SLC4A11: variants seen among roughly 807,000 people sequenced by gnomAD.
SLC4A11 encodes bicarbonate transporter related protein 1.
A neutral mutation model predicts 95.0 loss-of-function variants in SLC4A11; 74 were observed. The observed-to-expected ratio is 0.78, with a 90% confidence interval of 0.65 to 0.95. The LOEUF is 0.95. Among genes scored for constraint, SLC4A11 ranks in the 40% least tolerant of loss-of-function variants. SLC4A11 has a pLI of 0.00. For missense variants in SLC4A11, 1,081 were observed against 1,192.4 expected (o/e 0.91, Z 1.38); for synonymous variants, 548 against 519.0 (o/e 1.06, Z -0.76).
chr20:3,228,711 C>T lies in SLC4A11; in HGVS notation c.2193-4G>A, dbSNP rs10048856. The T allele has an allele frequency of 0.024, 37,913 of 1,612,410 alleles. 2,771 individuals carry two copies. In the East Asian group the frequency reaches 0.24, roughly 10 times the overall value. On this transcript the variant is annotated splice_polypyrimidine_tract_variant and splice_region_variant and intron_variant, in intron 17 of 19. Transcript: ENST00000642402. ...CGTCTCCTTCACGTTCACAATCCTG[C>T]GGTGGCCCGAGCCGCGAGTGTCACC...
Position 3,234,403 on chromosome 20 carries a change from T to TACAGCCC in SLC4A11, c.292-90_292-89insGGGCTGT. 7.5e-7 allele frequency: 1 copy of TACAGCCC among 1,338,894 alleles called. No homozygotes were observed. The highest frequency in any genetic ancestry group is 1.1e-6 in the Non-Finnish European group (1 of 944,842). 82.9% of individuals were successfully genotyped at this position (1,338,894 alleles called of 1,614,324 possible). ...CCTCCCTCCCAGCCAGCCGCAGCAGTCCAGCCCCCAGCCCCCAGCCCCCAG... is the reference window on the plus strand; with the variant it reads ...CCTCCCTCCCAGCCAGCCGCAGCAGTACAGCCCCCAGCCCCCAGCCCCCAGCCCCCAG... On this transcript the variant is annotated intron_variant, in intron 4 of 19. Coordinates refer to ENST00000642402, the MANE Select transcript of SLC4A11 (RefSeq NM_001174089.2). This position sits in a 1 kb window ranked among gnomAD's most constrained non-coding sequence, Gnocchi z 5.8.
chr20:3,230,415 A>C (rs2067717210), intron 12 of SLC4A11, 100 bp downstream of exon 12: 2 of 1,589,568 alleles, frequency 1.3e-6, no homozygotes, highest in Non-Finnish European at 1.7e-6. Flanking sequence ...CCCTTGGGGC[A>C]GCAATATGGT....
At position 3,231,711 on chromosome 20, in the gene SLC4A11, G is replaced by A. The variant is rs2067788062; in HGVS notation, c.730-163C>T. On this transcript the variant is annotated intron_variant, in intron 7 of 19. Transcript: ENST00000642402. The surrounding 1 kb of genome is among the most constrained non-coding windows in gnomAD (Gnocchi z 5.2). Reference sequence around the variant, plus strand: ...CACTGTCACCCAGGCTGAGTGCAGTGGCACACTCACGGCTTATCGTAGCCT... The same window carrying A: ...CACTGTCACCCAGGCTGAGTGCAGTAGCACACTCACGGCTTATCGTAGCCT... Among the ~76,000 whole-genome samples, 1 of 152,126 alleles carries A rather than the reference G, an allele frequency of 6.6e-6. No individual in the cohort carries two copies. Among genetic ancestry groups the A allele is most frequent in the East Asian group, 1.9e-4 (1 of 5,186 alleles).
chr20:3,232,201 C>CT (rs756554919), intron 7 of SLC4A11, among the ~76,000 whole-genome samples: 9 of 152,258 alleles, frequency 5.9e-5, no homozygotes, highest in Non-Finnish European at 1.3e-4. Context: ...TTTGCACTGT[C>CT]TGCTGGTTTG....
Position 3,234,029 on chromosome 20 carries a change from G to A in SLC4A11, c.524-27C>T. ...TGAGGAAAGAGTGAGGGGGAGGGTGGTGGGTCAACAGCCCCTCCCAACGCC... is the reference window on the plus strand; with the variant it reads ...TGAGGAAAGAGTGAGGGGGAGGGTGATGGGTCAACAGCCCCTCCCAACGCC... On this transcript the variant is annotated intron_variant, in intron 5 of 19. Transcript: ENST00000642402. This position sits in a 1 kb window ranked among gnomAD's most constrained non-coding sequence, Gnocchi z 5.8. 2 of 1,613,328 alleles carry A rather than the reference G, an allele frequency of 1.2e-6. No individual in the cohort carries two copies. Among genetic ancestry groups the A allele is most frequent in the Non-Finnish European group, 8.5e-7 (1 of 1,179,602 alleles).
rs892463490 is a variant in SLC4A11 at position 3,238,979 on chromosome 20, C to A, written c.43+116G>T. 1.1e-5 allele frequency: 14 copies of A among 1,317,838 alleles called. No homozygotes were observed. The Admixed American group carries it at 3.8e-4, about 36-fold the overall frequency. 81.6% of individuals were successfully genotyped at this position (1,317,838 alleles called of 1,614,324 possible). On this transcript the variant is annotated intron_variant, in intron 1 of 19. Coordinates refer to ENST00000642402, the MANE Select transcript of SLC4A11 (RefSeq NM_001174089.2). The stretch of plus-strand genomic sequence containing the variant: ...GGGAATCCCGCAGCCCTCTCGCCCA[C>A]CGGCCCCGGCCCGCGCAGGCAGACG...
In SLC4A11 at chr20:3,230,200, C is replaced by A; in HGVS notation, c.1476G>T (p.Lys492Asn). The stretch of plus-strand genomic sequence containing the variant: ...AGCCGCACTCACTTTTAACCGTGCC[C>A]TTGACGGCATCCAGCACAAACGTGA... ...ISITFVLDAV[K>N]GTVKIFWKYY... The change falls in exon 13 of 20, where the codon AAG becomes AAT. Residue 492 changes from lysine to asparagine, a missense_variant. Around this residue, in one of 3 missense-constraint regions of SLC4A11, gnomAD observed 767 missense variants for 858.0 expected, o/e 0.89. Transcript: ENST00000642402. The A allele has an allele frequency of 6.2e-7, 1 of 1,613,584 alleles. No homozygotes were observed. Among genetic ancestry groups the A allele is most frequent in the Non-Finnish European group, 8.5e-7 (1 of 1,180,018 alleles).
At chr20:3,229,821 C>A in intron 13 of SLC4A11, 45 bp from the exon 14 acceptor site, 1 of 1,613,006 alleles carries the variant, frequency 6.2e-7, no homozygotes, top group Non-Finnish European at 8.5e-7. Flanking sequence ...CAGCGTGTGG[C>A]AGGGGGAGGC....
At chr20:3,230,070 G>C in intron 13 of SLC4A11, 117 bp downstream of exon 13, 1 of 1,306,904 alleles carries the variant, frequency 7.7e-7, no homozygotes, top group Non-Finnish European at 1.1e-6. Flanking sequence ...CCGCACCCTT[G>C]ATCACGGGCA....
rs2067616339 is a variant in SLC4A11 at position 3,228,418 on chromosome 20, G to A, written c.2399C>T (p.Pro800Leu). The A allele has an allele frequency of 6.2e-7, 1 of 1,613,238 alleles. No individual in the cohort carries two copies. Among genetic ancestry groups the A allele is most frequent in the Non-Finnish European group, 8.5e-7 (1 of 1,179,954 alleles). Reference sequence around the variant, plus strand: ...CACCCTCCGGATGTAGTGTGTCGGGGGGTACGCAGTCTGTGGGCGGCAGGG... The same window carrying A: ...CACCCTCCGGATGTAGTGTGTCGGGAGGTACGCAGTCTGTGGGCGGCAGGG... ...ALLLKEQTAYPPTHYIRRVPQ... is the reference protein window; with the variant it reads ...ALLLKEQTAYLPTHYIRRVPQ... The change falls in exon 19 of 20, where the codon CCC becomes CTC. Residue 800 changes from proline to leucine, a missense_variant. Pro to Leu is a moderately conservative substitution (Grantham distance 98, BLOSUM62 -3). Coordinates refer to ENST00000642402, the MANE Select transcript of SLC4A11 (RefSeq NM_001174089.2).
At chr20:3,239,366 G>T, upstream of SLC4A11, 2 of 1,126,252 alleles carry the variant, frequency 1.8e-6, no homozygotes, top group Non-Finnish European at 2.2e-6. Flanking sequence ...GGCTGCTCCA[G>T]CCGGGCTGGG....
chr20:3,227,666 AGCCATGAGAAG>A lies in SLC4A11; in HGVS notation c.*110_*120del, dbSNP rs2067574640. 3.8e-6 allele frequency: 4 copies of A among 1,040,494 alleles called. No homozygotes were observed. In the Middle Eastern group the frequency reaches 9.7e-4, roughly 251 times the overall value. The allele number at this position is 1,040,494 out of a possible 1,614,324, so 64.5% of individuals were successfully genotyped here. A position where few individuals can be genotyped will look rare whatever the true frequency, so the allele number is the denominator to read the frequency against. On this transcript the variant is annotated 3_prime_UTR_variant, in exon 20 of 20. Coordinates refer to ENST00000642402, the MANE Select transcript of SLC4A11 (RefSeq NM_001174089.2). The stretch of plus-strand genomic sequence containing the variant: ...TGCCCAGATGCCCCAGGCCTGAGTC[AGCCATGAGAAG>A]GCGCAGCACAGAGCAGTCACCCACA...
intron 2 of SLC4A11, among the ~76,000 whole-genome samples, chr20:3,235,297 TCTCTCTCTCTCTCA>T (rs1406901306): frequency 2.1e-4 from 24 of 112,284 alleles, no homozygotes; most frequent in Admixed American, 2.0e-3. Flanking sequence ...TCTCTCTCTC[TCTCTCTCTCTCTCA>T]CACACACACA....
rs531604102 is a variant in SLC4A11, at chr20:3,233,440, G to A, written c.729+74C>T. 3 of 1,603,244 alleles carry A rather than the reference G, an allele frequency of 1.9e-6. No individual in the cohort carries two copies. The Admixed American group carries it at 5.0e-5, about 27-fold the overall frequency. On this transcript the variant is annotated intron_variant, in intron 7 of 19. Coordinates refer to ENST00000642402, the MANE Select transcript of SLC4A11 (RefSeq NM_001174089.2). ...AGGCCTTCAGAGGCCAGGACATGTG[G>A]GAGGGGACCCCAAGCAGAGGGCGGG...
chr20:3,234,278 C>T lies in SLC4A11; in HGVS notation c.328G>A (p.Ala110Thr). ...AGGAAGCCATCTAGGTCGCGGTGCG[C>T]ACGGATCTCTTCCTTGAAGTTCTTT... ...KLKNFKEEIR[A>T]HRDLDGFLAQ... Residue 110 changes from alanine (A) to threonine (T), a missense_variant, in exon 5 of 20, where the codon GCG becomes ACG. By Grantham distance (58) the Ala-to-Thr change is moderately conservative (BLOSUM62 0). Around this residue, in one of 3 missense-constraint regions of SLC4A11, gnomAD observed 310 missense variants for 313.5 expected, o/e 0.99. Transcript: ENST00000642402. The surrounding 1 kb of genome is among the most constrained non-coding windows in gnomAD (Gnocchi z 5.8). 6.2e-7 allele frequency: 1 copy of T among 1,614,028 alleles called. No individual in the cohort carries two copies. Among genetic ancestry groups the T allele is most frequent in the South Asian group, 1.1e-5 (1 of 91,086 alleles).
At position 3,228,344 on chromosome 20, in the gene SLC4A11, G is replaced by A; in HGVS notation, c.2473C>T (p.Leu825=). The change falls in exon 19 of 20, where the codon CTG becomes TTG. Residue 825 remains leucine, a synonymous_variant. Coordinates refer to ENST00000642402, the MANE Select transcript of SLC4A11 (RefSeq NM_001174089.2). ...YFTGLQVLQL[L]LLCAFGMSSL... ...CTCATGCCGAAGGCACACAGCAGCA[G>A]CAGCTGAAGCACCTGCAGGCCCGTG... 1 of 1,613,286 alleles carries A rather than the reference G, an allele frequency of 6.2e-7. No homozygotes were observed. The highest frequency in any genetic ancestry group is 1.1e-5 in the South Asian group (1 of 91,080).
chr20:3,232,576 G>A (rs1440046947), intron 7 of SLC4A11, among the ~76,000 whole-genome samples: 1 of 152,216 alleles, frequency 6.6e-6, no homozygotes, highest in East Asian at 1.9e-4. Context: ...AGTTTTTGGT[G>A]GTGGCGGGTG....
At chr20:3,238,306 G>C (rs2068053388) in intron 1 of SLC4A11, 12 of 1,195,434 alleles carry the variant, frequency 1.0e-5, no homozygotes, top group Admixed American at 4.1e-5. Flanking sequence ...TCGGAGGAAG[G>C]AAGCGACAGG....
At chr20:3,229,060 G>GGGGCCCCCCCCCCC in intron 16 of SLC4A11, 35 bp downstream of exon 16, 3 of 1,541,950 alleles carry the variant, frequency 1.9e-6, no homozygotes, top group Non-Finnish European at 2.6e-6. Context: ...AGAGGCCCGG[G>GGGGCCCCCCCCCCC]CCCCGCCCAC....
Sources: gnomAD v4.1 joint callset for allele counts (sites outside exome capture counted in the v4.1 genomes callset) on GRCh38, gnomAD v4.1.1 for gene constraint, gnomAD v4.1.1 regional missense constraint, Gnocchi (gnomAD v3.1) non-coding constraint, MANE v1.5 for transcripts, NCBI Gene and HGNC (gene_info 2026-07-23, HGNC 2026-07-21) for gene names.